Variants in C8orf34 observed in about 807,000 individuals in gnomAD.
C8orf34 encodes uncharacterized protein C8orf34.
In C8orf34, 65 loss-of-function variants were observed where a neutral mutation model predicts 68.3. The observed-to-expected ratio is 0.95, with a 90% confidence interval of 0.78 to 1.17. The LOEUF is 1.17. Ranked by LOEUF, C8orf34 falls within the 50% of genes most tolerant of loss-of-function variation. The pLI is 0.00. For synonymous variants in C8orf34, 244 were observed against 241.2 expected, an observed-to-expected ratio of 1.01 and a Z score of -0.11; for missense variants, 664 against 655.4, an observed-to-expected ratio of 1.01 and a Z score of -0.14.
chr8:68,637,862 G>A (rs1013470359), intron 7 of C8orf34, among the ~76,000 whole-genome samples: 4 of 152,090 alleles, frequency 2.6e-5, no homozygotes, highest in African/African-American at 9.7e-5. Flanking sequence ...TTTTGATTAT[G>A]GTAGTCTCAT....
intron 7 of C8orf34, among the ~76,000 whole-genome samples, chr8:68,575,863 A>G (rs1305178627): frequency 1.3e-5 from 2 of 151,690 alleles, no homozygotes; most frequent in African/African-American, 4.8e-5. Context: ...TTACCTGTTT[A>G]AACTTTGATT....
chr8:68,791,242 G>T, intron 12 of C8orf34: 1 of 330,622 alleles, frequency 3.0e-6, no homozygotes, highest in East Asian at 4.8e-5. Flanking sequence ...GGAGAAGCAA[G>T]CACTTTCTTC....
At chr8:68,460,137 TA>T in intron 3 of C8orf34, among the ~76,000 whole-genome samples, 1 of 152,306 alleles carries the variant, frequency 6.6e-6, no homozygotes, top group East Asian at 1.9e-4. Flanking sequence ...CAGGAGATTA[TA>T]TCCTGCACCT....
At chr8:68,541,164 T>C (rs1199922187) in intron 7 of C8orf34, among the ~76,000 whole-genome samples, 1 of 152,150 alleles carries the variant, frequency 6.6e-6, no homozygotes, top group Non-Finnish European at 1.5e-5. Context: ...GTATATCTGA[T>C]AAAGAATTAG....
chr8:68,351,149 G>T (rs1052976461), intron 1 of C8orf34, among the ~76,000 whole-genome samples: 2 of 151,952 alleles, frequency 1.3e-5, no homozygotes, highest in Non-Finnish European at 2.9e-5. Context: ...TGTAAGGCAG[G>T]TCTGGTGGGA....
intron 5 of C8orf34, among the ~76,000 whole-genome samples, chr8:68,491,023 C>T (rs1813290692): frequency 6.6e-6 from 1 of 152,122 alleles, no homozygotes; most frequent in African/African-American, 2.4e-5. Flanking sequence ...TTTACTTTTC[C>T]CTTAACAATT....
intron 1 of C8orf34, among the ~76,000 whole-genome samples, chr8:68,357,640 A>G (rs1396098394): frequency 6.6e-6 from 1 of 152,208 alleles, no homozygotes; most frequent in Non-Finnish European, 1.5e-5. Context: ...TATTCTGCAT[A>G]AGGCTGGCCT....
intron 1 of C8orf34, among the ~76,000 whole-genome samples, chr8:68,393,530 A>G (rs1808560357): frequency 6.6e-6 from 1 of 152,108 alleles, no homozygotes; most frequent in South Asian, 2.1e-4. Flanking sequence ...AGGCTTTAGC[A>G]TTGCTTTTTC....
intron 5 of C8orf34, among the ~76,000 whole-genome samples, chr8:68,504,484 TA>T (rs1813917225): frequency 2.0e-5 from 3 of 152,172 alleles, no homozygotes; most frequent in Admixed American, 2.0e-4. Context: ...ACTCTGTGTT[TA>T]AACTTTTGAG....
At chr8:68,436,140 A>G (rs1586137375) in intron 1 of C8orf34, among the ~76,000 whole-genome samples, 1 of 152,132 alleles carries the variant, frequency 6.6e-6, no homozygotes, top group Non-Finnish European at 1.5e-5. Flanking sequence ...CCCAGGAGGC[A>G]GAAGTTGCAG....
At chr8:68,774,327 G>GTATATATCTATATATATATATATATA (rs1332535200) in intron 10 of C8orf34, among the ~76,000 whole-genome samples, 1 of 96,050 alleles carries the variant, frequency 1.0e-5, no homozygotes, top group Non-Finnish European at 2.2e-5. Context: ...ATATGGGTGT[G>GTATATATCTATATATATATATATATA]TGTGTATATA....
chr8:68,462,081 A>G (rs1360867281), intron 3 of C8orf34, among the ~76,000 whole-genome samples: 8 of 152,104 alleles, frequency 5.3e-5, no homozygotes, highest in African/African-American at 1.9e-4. Context: ...GCTCAAAATA[A>G]AAGGATGGAG....
At chr8:68,416,011 A>T (rs1390057354) in intron 1 of C8orf34, among the ~76,000 whole-genome samples, 2 of 152,214 alleles carry the variant, frequency 1.3e-5, no homozygotes. Flanking sequence ...CCTGCTTCAC[A>T]GATTGTTGTT....
At position 68,331,253 on chromosome 8, in the gene C8orf34, C is replaced by A. The variant is rs1222732857; in HGVS notation, c.241C>A (p.Arg81=). ...GCGCGTTCTCCCTGCACTCTCTTCG[C>A]GGTCCCATCTGTTCCCCATGGCGTC... ...QPRVLPALSS[R]SHLFPMASHP... The change falls in exon 1 of 14, where the codon CGG becomes AGG. Residue 81 remains arginine, a synonymous_variant. Transcript: ENST00000518698. 2.0e-6 allele frequency: 3 copies of A among 1,536,356 alleles called. No homozygotes were observed. The highest frequency in any genetic ancestry group is 1.7e-6 in the Non-Finnish European group (2 of 1,146,956).
intron 3 of C8orf34, among the ~76,000 whole-genome samples, chr8:68,449,639 A>T (rs1811263502): frequency 6.6e-6 from 1 of 152,148 alleles, no homozygotes; most frequent in Non-Finnish European, 1.5e-5. Flanking sequence ...ACTGTAGTCT[A>T]GTGTGAAACA....
At chr8:68,516,567 T>C (rs1335932753) in intron 5 of C8orf34, among the ~76,000 whole-genome samples, 1 of 152,182 alleles carries the variant, frequency 6.6e-6, no homozygotes, top group Non-Finnish European at 1.5e-5. Flanking sequence ...TTCTTGCTGA[T>C]AAGCCATACT....
At chr8:68,506,184 C>G (rs1814014971) in intron 5 of C8orf34, among the ~76,000 whole-genome samples, 1 of 152,036 alleles carries the variant, frequency 6.6e-6, no homozygotes, top group African/African-American at 2.4e-5. Flanking sequence ...ACTTTCTCAG[C>G]AATATGGCAT....
chr8:68,747,772 G>A (rs1235080208), intron 10 of C8orf34, among the ~76,000 whole-genome samples: 1 of 151,338 alleles, frequency 6.6e-6, no homozygotes, highest in African/African-American at 2.4e-5. Context: ...CATGCTCATG[G>A]GTAGGAAGAA....
At chr8:68,593,501 T>C (rs1817457114) in intron 7 of C8orf34, among the ~76,000 whole-genome samples, 1 of 152,048 alleles carries the variant, frequency 6.6e-6, no homozygotes, top group Admixed American at 6.6e-5. Context: ...GAGGACTTTT[T>C]TATTAATATA....
Sources: allele counts gnomAD v4.1 joint callset (sites outside exome capture counted in the v4.1 genomes callset), GRCh38; gene constraint gnomAD v4.1.1; transcripts MANE v1.5; gene names NCBI Gene and HGNC (gene_info 2026-07-23, HGNC 2026-07-21).